Variants in CYB5R4 observed in about 807,000 individuals in gnomAD.
CYB5R4 encodes the protein cytochrome b5 reductase 4.
In CYB5R4, 55 loss-of-function variants were observed where a neutral mutation model predicts 70.2. The observed-to-expected ratio is 0.78, with a 90% CI of 0.63 to 0.98. The LOEUF (loss-of-function observed/expected upper bound fraction) is 0.98. Among genes scored for constraint, CYB5R4 ranks in the 50% least tolerant of loss-of-function variants. The probability of loss-of-function intolerance (pLI) is 0.00; values close to 1 mark genes in which losing one functional copy is unlikely to be tolerated. For synonymous variants in CYB5R4, 197 were observed against 199.5 expected (o/e 0.99, Z 0.11); for missense variants, 562 against 612.6 (o/e 0.92, Z 0.87).
chr6:83,897,165 GT>G (rs571198734), intron 3 of CYB5R4, among the ~76,000 whole-genome samples: 3 of 151,768 alleles, frequency 2.0e-5, no homozygotes, highest in African/African-American at 7.3e-5. Flanking sequence ...GCGGTGTTTG[GT>G]TTTTTGTCCT....
chr6:83,893,644 C>T, intron 3 of CYB5R4, 22 bp downstream of exon 3: 1 of 1,357,090 alleles, frequency 7.4e-7, no homozygotes, highest in Non-Finnish European at 1.0e-6. Context: ...TGAAAGTAAC[C>T]AAAGTATTCC....
chr6:83,893,749 G>A (rs1265864080), intron 3 of CYB5R4, 127 bp downstream of exon 3: 2 of 552,496 alleles, frequency 3.6e-6, no homozygotes, highest in Admixed American at 3.5e-5. Context: ...ATTTTGAAGT[G>A]TGGGAAGATG....
intron 2 of CYB5R4, among the ~76,000 whole-genome samples, chr6:83,887,425 A>G (rs1053744566): frequency 4.6e-5 from 7 of 152,196 alleles, no homozygotes; most frequent in Non-Finnish European, 1.0e-4. Flanking sequence ...AGAGCTCAGA[A>G]TTCCAGATAT....
rs780156573 is a variant in CYB5R4, at chr6:83,864,207, T to C, written c.108T>C (p.Asp36=). ...TAAAACAGGGCAGAAGCCTTATGGA[T>C]TGGATTCGACTGACCAAAAGTGGAA... The part of the protein sequence containing the change: ...VPLKQGRSLM[D]WIRLTKSGKD... Residue 36 remains aspartate, a synonymous_variant, in exon 2 of 16, where the codon GAT becomes GAC. Transcript: ENST00000369681. 8 of 1,610,076 alleles carry C rather than the reference T, an allele frequency of 5.0e-6. No homozygotes were observed. The Admixed American group carries it at 1.3e-4, about 27-fold the overall frequency.
At position 83,871,211 on chromosome 6, in the gene CYB5R4, C is replaced by T. The variant is rs532146238; in HGVS notation, c.229+6883C>T. On this transcript the variant is annotated intron_variant, in intron 2 of 15. Transcript: ENST00000369681. The stretch of plus-strand genomic sequence containing the variant: ...GCCAGGCTGGTCTGGAACTCCTGAT[C>T]GCAGGTGATCCACAGCCTTGGCCTC... Among the ~76,000 whole-genome samples the T allele has an allele frequency of 3.1e-3, 471 of 152,096 alleles. 4 individuals are homozygous for T. The highest frequency in any genetic ancestry group is 6.8e-3 in the Middle Eastern group (2 of 294).
At chr6:83,906,392 G>A (rs1437245855) in intron 3 of CYB5R4, among the ~76,000 whole-genome samples, 2 of 152,266 alleles carry the variant, frequency 1.3e-5, no homozygotes, top group African/African-American at 2.4e-5. Context: ...TACTGTAGCT[G>A]CTTAGGTCTC....
At chr6:83,890,067 A>G (rs970198872) in intron 2 of CYB5R4, among the ~76,000 whole-genome samples, 1 of 152,186 alleles carries the variant, frequency 6.6e-6, no homozygotes, top group African/African-American at 2.4e-5. Context: ...CACGGCATCC[A>G]TCCTGCAGCC....
At chr6:83,880,314 T>C (rs1466569769) in intron 2 of CYB5R4, among the ~76,000 whole-genome samples, 2 of 152,110 alleles carry the variant, frequency 1.3e-5, no homozygotes, top group Non-Finnish European at 2.9e-5. Context: ...TTTTGGAAAA[T>C]AGGAAATAGC....
rs2099461132 is a variant in CYB5R4 at position 83,891,584 on chromosome 6, C to G, written c.230-1938C>G. The stretch of plus-strand genomic sequence containing the variant: ...TTTCATAATTAGCAAATTACTAACA[C>G]AGCCAAGTGCTTTTTGATCTAAAGC... On this transcript the variant is annotated intron_variant, in intron 2 of 15. Transcript: ENST00000369681. 2.0e-5 allele frequency among the ~76,000 whole-genome samples: 3 copies of G among 152,196 alleles called. No homozygotes were observed. The South Asian group carries it at 6.2e-4, about 32-fold the overall frequency.
At chr6:83,895,532 C>T (rs1182182120) in intron 3 of CYB5R4, among the ~76,000 whole-genome samples, 2 of 152,106 alleles carry the variant, frequency 1.3e-5, no homozygotes, top group Non-Finnish European at 2.9e-5. Flanking sequence ...AAAAACTTAC[C>T]TGCTATACTT....
chr6:83,893,677 T>A, intron 3 of CYB5R4, 55 bp downstream of exon 3: 1 of 1,021,732 alleles, frequency 9.8e-7, no homozygotes, highest in South Asian at 1.4e-5. Context: ...CTCAGATTTA[T>A]CAGTGTGACA....
rs745873597 is a variant in CYB5R4 at position 83,955,476 on chromosome 6, T to C, written c.1511+14T>C. ...ACAAGGAGTAAGGTGAGTAACAGTG[T>C]AGTAGGAAACAGACTGCCCAACACT... On this transcript the variant is annotated intron_variant, in intron 15 of 15. Transcript: ENST00000369681. 7 of 1,609,008 alleles carry C rather than the reference T, an allele frequency of 4.4e-6. No homozygotes were observed. The East Asian group carries it at 1.6e-4, about 36-fold the overall frequency.
chr6:83,873,350 G>C (rs1010632189), intron 2 of CYB5R4, among the ~76,000 whole-genome samples: 5 of 144,082 alleles, frequency 3.5e-5, no homozygotes, highest in Admixed American at 1.5e-4. Context: ...AGTGATTCTC[G>C]TGCCTCAGCC....
chr6:83,879,480 C>A (rs1232228469), intron 2 of CYB5R4, among the ~76,000 whole-genome samples: 1 of 152,094 alleles, frequency 6.6e-6, no homozygotes, highest in Non-Finnish European at 1.5e-5. Flanking sequence ...GTACAGGGAC[C>A]GGTGGTGGGA....
intron 2 of CYB5R4, among the ~76,000 whole-genome samples, chr6:83,866,669 G>A (rs2099456757): frequency 6.6e-6 from 1 of 151,852 alleles, no homozygotes; most frequent in South Asian, 2.1e-4. Context: ...AGGCTGGAGT[G>A]CAGTGGCTTG....
At chr6:83,948,071 G>A (rs1281748529) in intron 14 of CYB5R4, among the ~76,000 whole-genome samples, 1 of 152,160 alleles carries the variant, frequency 6.6e-6, no homozygotes, top group East Asian at 1.9e-4. Flanking sequence ...ACATGCACAT[G>A]TATGTTTATT....
intron 6 of CYB5R4, among the ~76,000 whole-genome samples, chr6:83,918,876 T>TA (rs1247127614): frequency 1.3e-5 from 2 of 152,094 alleles, no homozygotes; most frequent in African/African-American, 4.8e-5. Context: ...CTCTGTAAAT[T>TA]AGACTATATA....
chr6:83,944,858 G>A lies in CYB5R4; in HGVS notation c.1346+4257G>A, dbSNP rs1373542038. ...GACAAGGGCATTACATAATGCTAAA[G>A]GGATTAACAAGAAGAGCTAACTGTC... On this transcript the variant is annotated intron_variant, in intron 14 of 15. Coordinates refer to ENST00000369681, the MANE Select transcript of CYB5R4 (RefSeq NM_016230.4). 2.0e-5 allele frequency among the ~76,000 whole-genome samples: 3 copies of A among 151,668 alleles called. No individual in the cohort carries two copies. The East Asian group carries it at 5.8e-4, about 29-fold the overall frequency.
chr6:83,931,931 CT>C (rs1171390054), intron 10 of CYB5R4, among the ~76,000 whole-genome samples: 1 of 149,512 alleles, frequency 6.7e-6, no homozygotes, highest in Non-Finnish European at 1.5e-5. Context: ...GGTATATCTC[CT>C]AATGCTATCC....
Sources: gnomAD v4.1 joint callset for allele counts (sites outside exome capture counted in the v4.1 genomes callset) on GRCh38, gnomAD v4.1.1 for gene constraint, MANE v1.5 for transcripts, NCBI Gene and HGNC (gene_info 2026-07-23, HGNC 2026-07-21) for gene names.